The following RAP1GAP variants were observed in gnomAD, a reference collection of about 807,000 sequenced individuals.
RAP1GAP encodes the protein rap1 GTPase-activating protein 1.
In RAP1GAP, 35 loss-of-function variants were observed where a neutral mutation model predicts 87.2. That is an observed-to-expected ratio of 0.40 (90% CI 0.31 to 0.53). The LOEUF (loss-of-function observed/expected upper bound fraction) is 0.53. Ranked by LOEUF, RAP1GAP falls within the 20% of genes least tolerant of loss-of-function variation. The pLI, the probability that RAP1GAP is intolerant of heterozygous loss-of-function variation, is 0.48. For synonymous variants in RAP1GAP, 375 were observed against 363.9 expected (o/e 1.03, Z -0.35); for missense variants, 734 against 898.9 (o/e 0.82, Z 2.35).
In RAP1GAP at chr1:21,596,368, C is replaced by CA. The variant is rs1645216360; in HGVS notation, c.*930dup. The stretch of plus-strand genomic sequence containing the variant: ...TGACCAGACACACAAGGGCTCCCAG[C>CA]AGCTGTGCCGGGCTGCCCCCTCCAT... On this transcript the variant is annotated 3_prime_UTR_variant, in exon 25 of 25. Coordinates refer to ENST00000374765, the MANE Select transcript of RAP1GAP (RefSeq NM_002885.4). 6.6e-6 allele frequency: 1 copy of CA among 152,198 alleles called. No individual in the cohort carries two copies. The highest frequency in any genetic ancestry group is 1.5e-5 in the Non-Finnish European group (1 of 68,030). 9.4% of individuals were successfully genotyped at this position (152,198 alleles called of 1,614,324 possible).
chr1:21,602,754 C>T, intron 19 of RAP1GAP, 50 bp downstream of exon 19: 1 of 1,508,240 alleles, frequency 6.6e-7, no homozygotes, highest in Non-Finnish European at 9.0e-7. Context: ...CCGAATGGGG[C>T]TCAGGGATGG....
chr1:21,637,168 GT>G (rs1357846397), intron 2 of RAP1GAP, among the ~76,000 whole-genome samples: 1 of 146,654 alleles, frequency 6.8e-6, no homozygotes, highest in Non-Finnish European at 1.5e-5. Context: ...TTTTTTGGTG[GT>G]GGTTGGGGGC....
intron 2 of RAP1GAP, among the ~76,000 whole-genome samples, chr1:21,630,575 T>C (rs973279608): frequency 4.7e-5 from 7 of 150,108 alleles, no homozygotes; most frequent in Non-Finnish European, 1.0e-4. Flanking sequence ...TGTTAAGAAA[T>C]GGGGTCTTGC....
chr1:21,621,412 C>T (rs191508460), intron 3 of RAP1GAP, among the ~76,000 whole-genome samples: 22 of 152,318 alleles, frequency 1.4e-4, no homozygotes, highest in Non-Finnish European at 2.4e-4. Flanking sequence ...ACACAGCCCT[C>T]ACCCGCACAC....
intron 2 of RAP1GAP, among the ~76,000 whole-genome samples, chr1:21,646,164 G>C (rs895697984): frequency 1.3e-5 from 2 of 152,204 alleles, no homozygotes; most frequent in African/African-American, 4.8e-5. Flanking sequence ...CCAGGGCCTG[G>C]GATACAGGAA....
At chr1:21,607,813 C>G (rs946181993) in intron 17 of RAP1GAP, among the ~76,000 whole-genome samples, 1 of 152,098 alleles carries the variant, frequency 6.6e-6, no homozygotes, top group African/African-American at 2.4e-5. Context: ...AAGCCCAAGT[C>G]CACTTCGAGC....
At chr1:21,614,743 C>A (rs1248673515) in intron 7 of RAP1GAP, among the ~76,000 whole-genome samples, 2 of 152,082 alleles carry the variant, frequency 1.3e-5, no homozygotes. Flanking sequence ...AGGGCTGGCA[C>A]CTCCGGGTGG....
rs1452751229 is a variant in RAP1GAP, at chr1:21,603,068, C to T, written c.1429-155G>A. 2 of 608,934 alleles carry T rather than the reference C, an allele frequency of 3.3e-6. No homozygotes were observed. Among genetic ancestry groups the T allele is most frequent in the Non-Finnish European group, 5.7e-6 (2 of 348,620 alleles). The allele number at this position is 608,934 out of a possible 1,614,324, so 37.7% of individuals were successfully genotyped here. A position where few individuals can be genotyped will look rare whatever the true frequency, so the allele number is the denominator to read the frequency against. ...ATATCCATTCCCAGAGACAGCCTCC[C>T]AGTTTACGAAAGGGAAACAGTCCCC... On this transcript the variant is annotated intron_variant, in intron 18 of 24. Transcript: ENST00000374765. This position sits in a 1 kb window ranked among gnomAD's most constrained non-coding sequence, Gnocchi z 6.0.
At chr1:21,626,421 C>A in intron 2 of RAP1GAP, 24 bp from the exon 3 acceptor site, 1 of 1,583,500 alleles carries the variant, frequency 6.3e-7, no homozygotes, top group South Asian at 1.1e-5. Context: ...AGTCTGAGGT[C>A]AGGGAGAGCC....
chr1:21,646,014 T>C (rs2096019543), intron 2 of RAP1GAP, among the ~76,000 whole-genome samples: 1 of 152,342 alleles, frequency 6.6e-6, no homozygotes, highest in Non-Finnish European at 1.5e-5. Flanking sequence ...ACTGACTGCA[T>C]GCCCCTGGGC....
intron 20 of RAP1GAP, among the ~76,000 whole-genome samples, chr1:21,600,382 C>T (rs1442654957): frequency 1.3e-5 from 2 of 152,190 alleles, no homozygotes; most frequent in South Asian, 2.1e-4. Flanking sequence ...GCTCTTTAGC[C>T]TGGGCTGAGT....
chr1:21,642,342 C>T (rs1375264856), intron 2 of RAP1GAP, among the ~76,000 whole-genome samples: 2 of 152,356 alleles, frequency 1.3e-5, no homozygotes, highest in Non-Finnish European at 2.9e-5. Flanking sequence ...GGAGTACGTG[C>T]TCTGTGCCAG....
chr1:21,647,253 G>C (rs916979554), intron 2 of RAP1GAP, among the ~76,000 whole-genome samples: 2 of 152,124 alleles, frequency 1.3e-5, no homozygotes, highest in African/African-American at 4.8e-5. Flanking sequence ...TTGAGCTCAG[G>C]AGTTCGAGAC....
chr1:21,597,764 G>A (rs1420374749), intron 23 of RAP1GAP, 36 bp from the exon 24 acceptor site: 1 of 1,612,108 alleles, frequency 6.2e-7, no homozygotes, highest in South Asian at 1.1e-5. Context: ...CAGGTGGCAA[G>A]ACGGGAGAAG....
At chr1:21,643,303 T>G (rs575447162) in intron 2 of RAP1GAP, among the ~76,000 whole-genome samples, 78 of 152,258 alleles carry the variant, frequency 5.1e-4, no homozygotes, top group South Asian at 2.1e-3. Flanking sequence ...CTCACGCCTG[T>G]AATCCTAGCA....
intron 22 of RAP1GAP, 163 bp downstream of exon 22, chr1:21,598,237 C>T: frequency 2.6e-6 from 2 of 769,512 alleles, no homozygotes; most frequent in Non-Finnish European, 4.2e-6. Context: ...CCCTCCAATC[C>T]ACCCAGCCAC....
chr1:21,609,636 G>A lies in RAP1GAP; in HGVS notation c.1010C>T (p.Thr337Ile). Residue 337 changes from threonine (T) to isoleucine (I), a missense_variant, in exon 15 of 25, where the codon ACT (threonine) becomes ATT (isoleucine). This residue lies in a region of RAP1GAP where 485 missense variants were observed against 646.2 expected (regional missense o/e 0.75). Coordinates refer to ENST00000374765, the MANE Select transcript of RAP1GAP (RefSeq NM_002885.4). The surrounding 1 kb of genome is among the most constrained non-coding windows in gnomAD (Gnocchi z 4.4). ...AAAGAAGGGCACATCATCTCTTGCA[G>A]TGACAGAGACCTGGAAGGGAGGGCA... Reference protein sequence around the residue: ...PDGPLYKVSVTARDDVPFFGP... With the variant: ...PDGPLYKVSVIARDDVPFFGP... 3.2e-6 allele frequency: 5 copies of A among 1,580,458 alleles called. No homozygotes were observed. The highest frequency in any genetic ancestry group is 4.3e-6 in the Non-Finnish European group (5 of 1,163,478).
chr1:21,624,906 G>A (rs1276076808), intron 3 of RAP1GAP, among the ~76,000 whole-genome samples: 1 of 152,156 alleles, frequency 6.6e-6, no homozygotes, highest in Non-Finnish European at 1.5e-5. Context: ...GCTGTGGTCC[G>A]AGGGCATACA....
At chr1:21,657,451 G>C (rs575082999) in intron 1 of RAP1GAP, among the ~76,000 whole-genome samples, 65 of 152,340 alleles carry the variant, frequency 4.3e-4, no homozygotes, top group Admixed American at 1.6e-3. Context: ...AACACGCATG[G>C]AGCATCCAGC....
Sources: allele counts gnomAD v4.1 joint callset (sites outside exome capture counted in the v4.1 genomes callset), GRCh38; gene constraint gnomAD v4.1.1; regional missense constraint gnomAD v4.1.1; non-coding constraint Gnocchi (gnomAD v3.1); transcripts MANE v1.5; gene names NCBI Gene and HGNC (gene_info 2026-07-23, HGNC 2026-07-21).